The following ADAP1 variants were observed in gnomAD, a reference collection of about 807,000 sequenced individuals.
ADAP1 encodes arf-GAP with dual PH domain-containing protein 1.
In ADAP1, 31 loss-of-function variants were observed where a neutral mutation model predicts 54.9. The ratio of observed to expected loss-of-function variants is 0.56; its 90% CI spans 0.42 to 0.76. ADAP1 has a LOEUF of 0.76. ADAP1 is among the 30% of genes least tolerant of loss of function. The pLI, the probability that ADAP1 is intolerant of heterozygous loss-of-function variation, is 0.00. For missense variants in ADAP1, 535 were observed against 512.4 expected, an observed-to-expected ratio of 1.04 and a Z score of -0.42; for synonymous variants, 313 against 202.6, an observed-to-expected ratio of 1.55 and a Z score of -4.63.
intron 6 of ADAP1, among the ~76,000 whole-genome samples, chr7:903,514 T>C (rs1336231175): frequency 6.6e-6 from 1 of 152,154 alleles, no homozygotes; most frequent in Non-Finnish European, 1.5e-5. Flanking sequence ...AGACGTGTGA[T>C]AAACATAGAA....
At chr7:911,114 G>C (rs75541055) in intron 4 of ADAP1, among the ~76,000 whole-genome samples, 1 of 152,172 alleles carries the variant, frequency 6.6e-6, no homozygotes, top group Non-Finnish European at 1.5e-5. Flanking sequence ...CGTATCCTGC[G>C]GAGGGCTCCA....
At chr7:902,147 C>T (rs1254806418) in intron 6 of ADAP1, among the ~76,000 whole-genome samples, 1 of 151,188 alleles carries the variant, frequency 6.6e-6, no homozygotes, top group Non-Finnish European at 1.5e-5. Context: ...CATGGTGAAA[C>T]CCGGTCTCTA....
Position 926,424 on chromosome 7 carries a change from C to T in ADAP1, c.305+129G>A. The T allele has an allele frequency of 1.3e-6, 1 of 759,216 alleles. No homozygotes were observed. Among genetic ancestry groups the T allele is most frequent in the Non-Finnish European group, 2.0e-6 (1 of 497,408 alleles). The allele number at this position is 759,216 out of a possible 1,614,324, so 47.0% of individuals were successfully genotyped here. ...GCGGCACCTCGGGGTCTGGGGGACG[C>T]AGCTGCGGCTGGCTTCTCCCCGACC... On this transcript the variant is annotated intron_variant, in intron 3 of 10. Transcript: ENST00000265846. This position sits in a 1 kb window ranked among gnomAD's most constrained non-coding sequence, Gnocchi z 4.6.
intron 6 of ADAP1, 51 bp from the exon 7 acceptor site, chr7:900,667 G>GGTCCCCCCAGAGGGGCTGGT: frequency 7.3e-7 from 1 of 1,373,546 alleles, no homozygotes; most frequent in Non-Finnish European, 1.0e-6. Context: ...GCAGCGCTGG[G>GGTCCCCCCAGAGGGGCTGGT]GTCCCCACAG....
Position 899,968 on chromosome 7 carries a change from G to C in ADAP1, c.795+134C>G, listed in dbSNP as rs1844705850. ...TCCTCGGGGACCCCGGCCAGGCACA[G>C]ACAAGGGGCTGTGAGGACCCACCAG... On this transcript the variant is annotated intron_variant, in intron 8 of 10. Transcript: ENST00000265846. 5 of 1,109,100 alleles carry C rather than the reference G, an allele frequency of 4.5e-6. No individual in the cohort carries two copies. The South Asian group carries it at 5.6e-5, about 12-fold the overall frequency. The allele number at this position is 1,109,100 out of a possible 1,614,324, so 68.7% of individuals were successfully genotyped here. A position where few individuals can be genotyped will look rare whatever the true frequency, so the allele number is the denominator to read the frequency against.
chr7:924,776 C>T (rs1304408333), intron 3 of ADAP1, among the ~76,000 whole-genome samples: 2 of 151,952 alleles, frequency 1.3e-5, no homozygotes, highest in African/African-American at 4.8e-5. Context: ...CGACTCAGAA[C>T]AGCCAGGGAG....
chr7:900,471 C>T (rs756083397), intron 7 of ADAP1, 62 bp downstream of exon 7: 22 of 1,494,016 alleles, frequency 1.5e-5, no homozygotes, highest in African/African-American at 7.0e-5. Context: ...ACGAGGGCTC[C>T]GTCCACCCCC....
At chr7:905,284 A>AC in intron 4 of ADAP1, 112 bp from the exon 5 acceptor site, 2 of 296,510 alleles carry the variant, frequency 6.7e-6, no homozygotes, top group Non-Finnish European at 1.2e-5. Flanking sequence ...GGGGACACGG[A>AC]CGGGGGACAC....
intron 6 of ADAP1, among the ~76,000 whole-genome samples, chr7:903,734 T>A (rs1844939386): frequency 6.6e-6 from 1 of 151,754 alleles, no homozygotes; most frequent in South Asian, 2.1e-4. Flanking sequence ...ACCGTCCACA[T>A]CTCCTCCCCG....
intron 1 of ADAP1, among the ~76,000 whole-genome samples, chr7:950,902 G>A (rs1175597371): frequency 6.6e-6 from 1 of 151,120 alleles, no homozygotes; most frequent in Admixed American, 6.6e-5. Context: ...GAAAGTAGAA[G>A]GGTGGGTGCC....
In ADAP1 at chr7:926,417, G is replaced by C; in HGVS notation, c.305+136C>G. On this transcript the variant is annotated intron_variant, in intron 3 of 10. Coordinates refer to ENST00000265846, the MANE Select transcript of ADAP1 (RefSeq NM_006869.4). The surrounding 1 kb of genome is among the most constrained non-coding windows in gnomAD (Gnocchi z 4.6). ...GACACAGGCGGCACCTCGGGGTCTG[G>C]GGGACGCAGCTGCGGCTGGCTTCTC... 1 of 719,806 alleles carries C rather than the reference G, an allele frequency of 1.4e-6. No homozygotes were observed. The allele number at this position is 719,806 out of a possible 1,614,324, so 44.6% of individuals were successfully genotyped here. A position where few individuals can be genotyped will look rare whatever the true frequency, so the allele number is the denominator to read the frequency against.
chr7:916,132 CAG>C (rs1845925107), intron 4 of ADAP1, among the ~76,000 whole-genome samples: 1 of 152,336 alleles, frequency 6.6e-6, no homozygotes, highest in Admixed American at 6.5e-5. Context: ...GGTGACGAGA[CAG>C]GGACTTTTTC....
intron 2 of ADAP1, among the ~76,000 whole-genome samples, chr7:929,000 A>C (rs1450905536): frequency 6.6e-5 from 10 of 152,238 alleles, no homozygotes; most frequent in Admixed American, 5.2e-4. Flanking sequence ...CTCGGCCATA[A>C]AGAGGAATGC....
chr7:905,278 ACAC>A, intron 4 of ADAP1, 106 bp from the exon 5 acceptor site: 21 of 350,186 alleles, frequency 6.0e-5, no homozygotes, highest in Non-Finnish European at 8.1e-5. Context: ...GACACGGGGG[ACAC>A]GGACGGGGGA....
At chr7:936,938 G>A (rs182965724) in intron 1 of ADAP1, among the ~76,000 whole-genome samples, 146 of 152,368 alleles carry the variant, frequency 9.6e-4, no homozygotes, top group East Asian at 6.8e-3. Flanking sequence ...GCCAGGCGGC[G>A]GAGGCCCAGT....
chr7:949,406 T>G (rs1430168250), intron 1 of ADAP1, among the ~76,000 whole-genome samples: 5 of 152,236 alleles, frequency 3.3e-5, no homozygotes, highest in African/African-American at 1.2e-4. Flanking sequence ...AGTTGGGGGA[T>G]GCGGCTGGCT....
rs1321575483 is a variant in ADAP1, at chr7:945,341, C to A, written c.82+9055G>T. ...TGGTCTGACGCCCCAGCAGCAGGGC[C>A]CCCACAGGCCCACGCAGGAGAGCCT... On this transcript the variant is annotated intron_variant, in intron 1 of 10. Transcript: ENST00000265846. This position sits in a 1 kb window ranked among gnomAD's most constrained non-coding sequence, Gnocchi z 4.2. 1.3e-5 allele frequency among the ~76,000 whole-genome samples: 2 copies of A among 152,184 alleles called. No individual in the cohort carries two copies. The highest frequency in any genetic ancestry group is 6.5e-5 in the Admixed American group (1 of 15,280).
rs879728426 is a variant in ADAP1 at position 905,396 on chromosome 7, AG to A, written c.389-225del. ...GGAAAGGAGAAAGGAGAAAGGAGAAAGGAGAAAGGAGAAAGGGAGAAAGAGA... is the reference window on the plus strand; with the variant it reads ...GGAAAGGAGAAAGGAGAAAGGAGAAAGAGAAAGGAGAAAGGGAGAAAGAGA... On this transcript the variant is annotated intron_variant, in intron 4 of 10. Coordinates refer to ENST00000265846, the MANE Select transcript of ADAP1 (RefSeq NM_006869.4). 1,480 of 250,914 alleles carry A rather than the reference AG, an allele frequency of 5.9e-3. 114 individuals are homozygous for A. The highest frequency in any genetic ancestry group is 8.2e-3 in the Non-Finnish European group (1,212 of 148,248). The allele number at this position is 250,914 out of a possible 1,614,324, so 15.5% of individuals were successfully genotyped here.
intron 4 of ADAP1, among the ~76,000 whole-genome samples, chr7:914,876 G>A (rs1270882731): frequency 6.6e-6 from 1 of 152,044 alleles, no homozygotes; most frequent in Non-Finnish European, 1.5e-5. Context: ...TGACCAGGCT[G>A]CAGGGGCAGG....
Sources: gnomAD v4.1 joint callset for allele counts (sites outside exome capture counted in the v4.1 genomes callset) on GRCh38, gnomAD v4.1.1 for gene constraint, Gnocchi (gnomAD v3.1) non-coding constraint, MANE v1.5 for transcripts, NCBI Gene and HGNC (gene_info 2026-07-23, HGNC 2026-07-21) for gene names.